Variants in PDE6C observed in about 807,000 individuals in gnomAD.
The protein encoded by PDE6C is phosphodiesterase 6C, also known as cone cGMP-specific 3',5'-cyclic phosphodiesterase subunit alpha'.
Under a neutral mutation model 113.1 loss-of-function variants are expected in PDE6C, and 75 were observed. That is an observed-to-expected ratio of 0.66 (90% CI 0.55 to 0.80). PDE6C has a LOEUF of 0.80. Among genes scored for constraint, PDE6C ranks in the 30% least tolerant of loss-of-function variants. The pLI is 0.00. For missense variants in PDE6C, 912 were observed against 1,038.6 expected (o/e 0.88, Z 1.67); for synonymous variants, 375 against 363.7 (o/e 1.03, Z -0.35).
chr10:93,663,122 C>G lies in PDE6C; in HGVS notation c.2462C>G (p.Ala821Gly), dbSNP rs1163350371. 6.2e-7 allele frequency: 1 copy of G among 1,613,398 alleles called. No individual in the cohort carries two copies. The highest frequency in any genetic ancestry group is 2.2e-5 in the East Asian group (1 of 44,818). ...EWKSLADEYD[A>G]KMKVIEEEAK... is the part of the protein sequence containing the mutation. ...AAATCACTAGCTGATGAGTATGATG[C>G]AAAGATGAAGGTCATTGAAGAGGAG... Residue 821 changes from alanine (A) to glycine (G), a missense_variant, in exon 21 of 22, where the codon GCA becomes GGA. By Grantham distance (60) the Ala-to-Gly change is moderately conservative. Coordinates refer to ENST00000371447, the MANE Select transcript of PDE6C (RefSeq NM_006204.4).
intron 15 of PDE6C, among the ~76,000 whole-genome samples, chr10:93,649,658 A>G (rs1342731388): frequency 6.6e-6 from 1 of 152,132 alleles, no homozygotes; most frequent in Non-Finnish European, 1.5e-5. Flanking sequence ...AGGCTGGAGT[A>G]CAGTGGCGTG....
intron 4 of PDE6C, among the ~76,000 whole-genome samples, chr10:93,622,323 G>C (rs1251970787): frequency 6.6e-6 from 1 of 151,088 alleles, no homozygotes; most frequent in Admixed American, 6.6e-5. Flanking sequence ...ACTATTTTTA[G>C]AGTAGTATTG....
At chr10:93,622,815 T>G (rs1288577138) in intron 4 of PDE6C, among the ~76,000 whole-genome samples, 1 of 152,186 alleles carries the variant, frequency 6.6e-6, no homozygotes, top group African/African-American at 2.4e-5. Flanking sequence ...CAATAGCTAA[T>G]TTCTTTTTAT....
At chr10:93,651,182 C>T (rs920325616) in intron 15 of PDE6C, among the ~76,000 whole-genome samples, 2 of 152,158 alleles carry the variant, frequency 1.3e-5, no homozygotes, top group African/African-American at 2.4e-5. Flanking sequence ...AACTATCTGC[C>T]TAGTACCATG....
At position 93,644,257 on chromosome 10, in the gene PDE6C, C is replaced by G. The variant is rs1440858896; in HGVS notation, c.1848-1703C>G. 2.0e-5 allele frequency among the ~76,000 whole-genome samples: 3 copies of G among 152,146 alleles called. No homozygotes were observed. In the South Asian group the frequency reaches 6.2e-4, roughly 32 times the overall value. Reference sequence around the variant, plus strand: ...CTCTTTATGTAAAGGAACATTTTCTCCTTTGCAATTAATAAGTAATACGTG... The same window carrying G: ...CTCTTTATGTAAAGGAACATTTTCTGCTTTGCAATTAATAAGTAATACGTG... On this transcript the variant is annotated intron_variant, in intron 14 of 21. Coordinates refer to ENST00000371447, the MANE Select transcript of PDE6C (RefSeq NM_006204.4).
chr10:93,640,795 C>A (rs952589262), intron 13 of PDE6C, 125 bp from the exon 14 acceptor site: 1 of 735,844 alleles, frequency 1.4e-6, no homozygotes, highest in Non-Finnish European at 2.4e-6. Flanking sequence ...ACAATACTCA[C>A]AACAAATAAA....
chr10:93,655,963 C>CA lies in PDE6C; in HGVS notation c.2036+104dup, dbSNP rs1238458471. 9.1e-6 allele frequency: 7 copies of CA among 772,918 alleles called. No individual in the cohort carries two copies. In the Admixed American group the frequency reaches 1.2e-4, roughly 13 times the overall value. The allele number at this position is 772,918 out of a possible 1,614,324, so 47.9% of individuals were successfully genotyped here. A position where few individuals can be genotyped will look rare whatever the true frequency, so the allele number is the denominator to read the frequency against. Reference sequence around the variant, plus strand: ...ATGTTAAAAGGCATTTATTCACACACATACACACACACAGACACACACACA... The same window carrying CA: ...ATGTTAAAAGGCATTTATTCACACACAATACACACACACAGACACACACACA... On this transcript the variant is annotated intron_variant, in intron 16 of 21. Transcript: ENST00000371447.
At chr10:93,621,730 A>AAAAG (rs2058447446) in intron 3 of PDE6C, among the ~76,000 whole-genome samples, 1 of 152,220 alleles carries the variant, frequency 6.6e-6, no homozygotes, top group Non-Finnish European at 1.5e-5. Flanking sequence ...ATAGACCCGC[A>AAAAG]GCCTTGCAAA....
chr10:93,620,581 C>T, intron 1 of PDE6C, 51 bp from the exon 2 acceptor site: 1 of 1,577,992 alleles, frequency 6.3e-7, no homozygotes, highest in Non-Finnish European at 8.7e-7. Context: ...CCTAGATCTA[C>T]CACTCTATGA....
chr10:93,654,594 T>TATC (rs2058624086), intron 15 of PDE6C, among the ~76,000 whole-genome samples: 1 of 152,180 alleles, frequency 6.6e-6, no homozygotes, highest in African/African-American at 2.4e-5. Context: ...TTTGATAGAC[T>TATC]ATCTCCTCTT....
chr10:93,631,977 A>C (rs1035977867), intron 8 of PDE6C, among the ~76,000 whole-genome samples: 1 of 152,192 alleles, frequency 6.6e-6, no homozygotes, highest in Non-Finnish European at 1.5e-5. Context: ...TTGGGCTAAA[A>C]TCACGGTGCT....
intron 1 of PDE6C, among the ~76,000 whole-genome samples, chr10:93,615,358 G>A (rs1392522619): frequency 6.6e-6 from 1 of 152,170 alleles, no homozygotes; most frequent in African/African-American, 2.4e-5. Context: ...TCAAAGATTA[G>A]AATTCAGGCA....
In PDE6C at chr10:93,657,623, C is replaced by T. The variant is rs1334886868; in HGVS notation, c.2037-1278C>T. ...TGGAGCTCCAATGCATCCATTTTAA[C>T]TGAATAGAGTATTCAACTGTTGAAT... On this transcript the variant is annotated intron_variant, in intron 16 of 21. Coordinates refer to ENST00000371447, the MANE Select transcript of PDE6C (RefSeq NM_006204.4). 2.6e-5 allele frequency among the ~76,000 whole-genome samples: 4 copies of T among 152,222 alleles called. No homozygotes were observed. The South Asian group carries it at 8.3e-4, about 32-fold the overall frequency.
chr10:93,653,647 A>AAAAAC (rs2058619611), intron 15 of PDE6C, among the ~76,000 whole-genome samples: 1 of 150,134 alleles, frequency 6.7e-6, no homozygotes, highest in African/African-American at 2.5e-5. Context: ...CCATCTCAAA[A>AAAAAC]AAAAACAAAA....
chr10:93,664,141 C>T (rs1564807201), intron 21 of PDE6C, among the ~76,000 whole-genome samples: 1 of 151,984 alleles, frequency 6.6e-6, no homozygotes, highest in Non-Finnish European at 1.5e-5. Flanking sequence ...TTAGGCAGGC[C>T]CTGGGGAAAG....
chr10:93,640,589 C>T, intron 13 of PDE6C, 32 bp downstream of exon 13: 1 of 1,360,532 alleles, frequency 7.4e-7, no homozygotes, highest in Non-Finnish European at 1.1e-6. Flanking sequence ...TCCTTGTAAA[C>T]CTGCAGATTT....
chr10:93,650,437 G>C (rs1488107642), intron 15 of PDE6C, among the ~76,000 whole-genome samples: 1 of 152,112 alleles, frequency 6.6e-6, no homozygotes, highest in East Asian at 1.9e-4. Flanking sequence ...TTGTAGAAAT[G>C]CATTCTTGCT....
At chr10:93,620,093 C>A (rs1470333050) in intron 1 of PDE6C, among the ~76,000 whole-genome samples, 1 of 152,086 alleles carries the variant, frequency 6.6e-6, no homozygotes, top group African/African-American at 2.4e-5. Flanking sequence ...TGGAGAAAGG[C>A]ATAGGAGACA....
intron 15 of PDE6C, among the ~76,000 whole-genome samples, chr10:93,654,798 CTTTCTTTCTTTCT>C (rs746581984): frequency 0.015 from 1,394 of 92,592 alleles, 21 homozygotes; most frequent in East Asian, 0.042. Context: ...TTCTTTCTTT[CTTTCTTTCTTTCT>C]TTTTTTTTTT....
Sources: gnomAD v4.1 joint callset for allele counts (sites outside exome capture counted in the v4.1 genomes callset) on GRCh38, gnomAD v4.1.1 for gene constraint, MANE v1.5 for transcripts, NCBI Gene and HGNC (gene_info 2026-07-23, HGNC 2026-07-21) for gene names.